COPS4: variants seen among roughly 807,000 people sequenced by gnomAD.
The protein encoded by COPS4 is COP9 signalosome complex subunit 4.
A neutral mutation model predicts 55.1 loss-of-function variants in COPS4; 8 were observed. That is an observed-to-expected ratio of 0.15 (90% CI 0.09 to 0.26). The LOEUF is 0.26. Among genes scored for constraint, COPS4 ranks in the 10% least tolerant of loss-of-function variants. The probability of loss-of-function intolerance (pLI) is 1.00; values close to 1 mark genes in which losing one functional copy is unlikely to be tolerated. For missense variants in COPS4, 248 were observed against 484.0 expected (o/e 0.51, Z 4.58); for synonymous variants, 185 against 165.7 (o/e 1.12, Z -0.90).
intron 9 of COPS4, among the ~76,000 whole-genome samples, chr4:83,073,728 G>A (rs770447596): frequency 2.3e-4 from 35 of 152,260 alleles, no homozygotes; most frequent in South Asian, 1.0e-3. Context: ...GCTGAGGCGG[G>A]CGGATCACGA....
chr4:83,061,215 T>G (rs776751597), intron 6 of COPS4, among the ~76,000 whole-genome samples: 4 of 152,074 alleles, frequency 2.6e-5, no homozygotes, highest in African/African-American at 4.8e-5. Context: ...TGGTATGATA[T>G]GTACACAGGA....
At chr4:83,074,461 G>GTTTTT (rs66793416) in intron 9 of COPS4, among the ~76,000 whole-genome samples, 1 of 130,950 alleles carries the variant, frequency 7.6e-6, no homozygotes, top group African/African-American at 2.9e-5. Flanking sequence ...TTTTTTAGAG[G>GTTTTT]TTTTTTTTTT....
rs772070874 is a variant in COPS4, at chr4:83,044,778, AAAC to A, written c.75-827_75-825del. ...TGACAGAGCGAGACTCCGTCTTCAA[AAAC>A]AACAACAACAACAACAACAAAAGAA... is the stretch of plus-strand genomic sequence containing the variant. On this transcript the variant is annotated intron_variant, in intron 1 of 9. Coordinates refer to ENST00000264389, the MANE Select transcript of COPS4 (RefSeq NM_016129.3). Among the ~76,000 whole-genome samples, 193 of 152,228 alleles carry A rather than the reference AAAC, an allele frequency of 1.3e-3. 1 individual carries two copies. The highest frequency in any genetic ancestry group is 4.3e-3 in the African/African-American group (177 of 41,544).
At chr4:83,069,055 T>C (rs1731357271) in intron 9 of COPS4, among the ~76,000 whole-genome samples, 1 of 152,198 alleles carries the variant, frequency 6.6e-6, no homozygotes, top group Admixed American at 6.5e-5. Context: ...CAAATTGTTG[T>C]ATCAGTTCAT....
intron 9 of COPS4, chr4:83,073,407 A>G: frequency 2.2e-6 from 1 of 449,386 alleles, no homozygotes; most frequent in Non-Finnish European, 4.0e-6. Context: ...TTGGATGTAT[A>G]TACCTCAATT....
chr4:83,061,973 C>A (rs1291953118), intron 6 of COPS4, among the ~76,000 whole-genome samples: 2 of 152,162 alleles, frequency 1.3e-5, no homozygotes, highest in Non-Finnish European at 2.9e-5. Flanking sequence ...ATCCCTAGTT[C>A]TTTTTAATGG....
chr4:83,068,597 C>T, intron 9 of COPS4, 75 bp downstream of exon 9: 1 of 911,364 alleles, frequency 1.1e-6, no homozygotes, highest in East Asian at 2.5e-5. Context: ...ACATGTTGGA[C>T]AGTTTCCTTT....
chr4:83,062,666 T>TG (rs1290660538), intron 6 of COPS4, among the ~76,000 whole-genome samples: 23 of 152,340 alleles, frequency 1.5e-4, no homozygotes, highest in African/African-American at 5.5e-4. Flanking sequence ...AAGCGCTGTC[T>TG]GGGGGGTGTT....
rs747761986 is a variant in COPS4, at chr4:83,052,829, C to T, written c.410+2845C>T. Among the ~76,000 whole-genome samples, 103 of 152,132 alleles carry T rather than the reference C, an allele frequency of 6.8e-4. 1 individual carries two copies. Among genetic ancestry groups the T allele is most frequent in the Non-Finnish European group, 1.2e-3 (82 of 68,020 alleles). ...CTCAAACTCCAGGGCTCAAGCAATC[C>T]ACCTGCCTTGGCCTCCCAAAGTGCT... On this transcript the variant is annotated intron_variant, in intron 4 of 9. Transcript: ENST00000264389.
chr4:83,069,782 T>C (rs1731374724), intron 9 of COPS4, among the ~76,000 whole-genome samples: 1 of 152,184 alleles, frequency 6.6e-6, no homozygotes, highest in Non-Finnish European at 1.5e-5. Context: ...TGTGAATCTT[T>C]TTCTTCCTTC....
At chr4:83,057,217 T>A in intron 5 of COPS4, 41 bp from the exon 6 acceptor site, 1 of 1,556,822 alleles carries the variant, frequency 6.4e-7, no homozygotes, top group Non-Finnish European at 8.7e-7. Context: ...AACTCTTGCT[T>A]TTTAATTTGT....
At chr4:83,067,181 T>C (rs4635808) in intron 8 of COPS4, among the ~76,000 whole-genome samples, 151,523 of 152,132 alleles carry the variant, frequency 1, 75,458 homozygotes, top group Middle Eastern at 1. Flanking sequence ...AATCTTCCTG[T>C]CTCAGACTCC....
intron 6 of COPS4, 118 bp downstream of exon 6, chr4:83,057,526 C>T (rs1731046554): frequency 2.8e-6 from 2 of 714,752 alleles, no homozygotes; most frequent in Non-Finnish European, 4.4e-6. Context: ...CTTCATAATA[C>T]AGTTATGGTA....
chr4:83,049,120 A>G (rs1730793518), intron 2 of COPS4, 46 bp from the exon 3 acceptor site: 6 of 1,547,404 alleles, frequency 3.9e-6, no homozygotes, highest in East Asian at 2.3e-5. Flanking sequence ...TTTAATGACA[A>G]TTTATCAGCT....
At chr4:83,075,228 T>C (rs1036485004) in intron 9 of COPS4, 69 bp from the exon 10 acceptor site, 2 of 1,438,728 alleles carry the variant, frequency 1.4e-6, no homozygotes, top group Non-Finnish European at 1.9e-6. Context: ...AAAGTATATA[T>C]CTTTTAACTC....
chr4:83,046,453 A>T (rs924904388), intron 2 of COPS4, among the ~76,000 whole-genome samples: 1 of 152,220 alleles, frequency 6.6e-6, no homozygotes, highest in African/African-American at 2.4e-5. Flanking sequence ...AAAGAAAATT[A>T]AAAATTCCAC....
chr4:83,075,555 A>G lies in COPS4; in HGVS notation c.*125A>G, dbSNP rs1025198406. On this transcript the variant is annotated 3_prime_UTR_variant, in exon 10 of 10. Transcript: ENST00000264389. ...ATCCCTTTTATGCTGGATTCCGTTTAAAGAAGACATTATTAGAGCAGGAAG... is the reference window on the plus strand; with the variant it reads ...ATCCCTTTTATGCTGGATTCCGTTTGAAGAAGACATTATTAGAGCAGGAAG... The G allele has an allele frequency of 9.4e-6, 10 of 1,064,114 alleles. No homozygotes were observed. In the African/African-American group the frequency reaches 1.6e-4, roughly 17 times the overall value. The allele number at this position is 1,064,114 out of a possible 1,614,324, so 65.9% of individuals were successfully genotyped here. A position where few individuals can be genotyped will look rare whatever the true frequency, so the allele number is the denominator to read the frequency against.
rs541906558 is a variant in COPS4 at position 83,056,833 on chromosome 4, T to C, written c.411-93T>C. 8 of 1,074,926 alleles carry C rather than the reference T, an allele frequency of 7.4e-6. No individual in the cohort carries two copies. The African/African-American group carries it at 1.1e-4, about 15-fold the overall frequency. 66.6% of individuals were successfully genotyped at this position (1,074,926 alleles called of 1,614,324 possible). ...GTTTGATTCCCTTACGGTACCAGAATATATATCAGGAAAAAACAACATATC... is the reference window on the plus strand; with the variant it reads ...GTTTGATTCCCTTACGGTACCAGAACATATATCAGGAAAAAACAACATATC... On this transcript the variant is annotated intron_variant, in intron 4 of 9. Coordinates refer to ENST00000264389, the MANE Select transcript of COPS4 (RefSeq NM_016129.3).
At chr4:83,035,683 C>T (rs552240051) in intron 1 of COPS4, 23 of 176,900 alleles carry the variant, frequency 1.3e-4, no homozygotes, top group South Asian at 7.2e-4. Context: ...CCTTCCTCCT[C>T]TTTTTTTTTG....
Sources: gnomAD v4.1 joint callset for allele counts (sites outside exome capture counted in the v4.1 genomes callset) on GRCh38, gnomAD v4.1.1 for gene constraint, MANE v1.5 for transcripts, NCBI Gene and HGNC (gene_info 2026-07-23, HGNC 2026-07-21) for gene names.